Variants in SLCO2A1 observed in about 807,000 individuals in gnomAD.
SLCO2A1 encodes matrin F/G 1.
In SLCO2A1, 60 loss-of-function variants were observed where a neutral mutation model predicts 71.7. The ratio of observed to expected loss-of-function variants is 0.84; its 90% CI spans 0.68 to 1.04. The LOEUF is 1.04. SLCO2A1 is among the 50% of genes least tolerant of loss of function. The probability of loss-of-function intolerance (pLI) is 0.00; values close to 1 mark genes in which losing one functional copy is unlikely to be tolerated. For missense variants in SLCO2A1, 745 were observed against 813.4 expected, an observed-to-expected ratio of 0.92 and a Z score of 1.02; for synonymous variants, 308 against 326.7, an observed-to-expected ratio of 0.94 and a Z score of 0.62.
At chr3:133,985,063 C>A (rs965119394) in intron 1 of SLCO2A1, among the ~76,000 whole-genome samples, 1 of 152,218 alleles carries the variant, frequency 6.6e-6, no homozygotes, top group African/African-American at 2.4e-5. Context: ...CCACTCCCTC[C>A]TCTTGCCCTC....
chr3:133,945,168 C>T lies in SLCO2A1; in HGVS notation c.1388G>A (p.Gly463Glu), dbSNP rs758908251. ...SIFHPVCGDNGIEYLSPCHAG... is the reference protein window; with the variant it reads ...SIFHPVCGDNEIEYLSPCHAG... The stretch of plus-strand genomic sequence containing the variant: ...ATGGCAAGGGGAGAGGTACTCGATT[C>T]CATTGTCTCCACAGACCGGGTGGAA... Residue 463 changes from glycine to glutamate, a missense_variant, in exon 10 of 14, where the codon GGA (glycine) becomes GAA (glutamate). Gly to Glu is a moderately conservative substitution (Grantham distance 98). Transcript: ENST00000310926. The T allele has an allele frequency of 1.2e-6, 2 of 1,614,124 alleles. No individual in the cohort carries two copies.
intron 11 of SLCO2A1, 25 bp downstream of exon 11, chr3:133,942,578 CCA>C (rs1254306650): frequency 1.3e-6 from 2 of 1,584,742 alleles, no homozygotes; most frequent in Non-Finnish European, 1.7e-6. Context: ...AAGCCACGCC[CCA>C]GACTCACAGA....
chr3:133,988,077 G>A (rs1165024791), intron 1 of SLCO2A1, among the ~76,000 whole-genome samples: 2 of 152,172 alleles, frequency 1.3e-5, no homozygotes, highest in African/African-American at 2.4e-5. Context: ...GCATCTGAAT[G>A]GACTTCCTCC....
chr3:133,935,051 C>T (rs1034239182), intron 13 of SLCO2A1, among the ~76,000 whole-genome samples: 1 of 152,132 alleles, frequency 6.6e-6, no homozygotes, highest in Non-Finnish European at 1.5e-5. Context: ...ATCCAGGGCT[C>T]ATCATCCCTC....
chr3:134,009,042 G>A (rs1411696115), intron 1 of SLCO2A1, among the ~76,000 whole-genome samples: 4 of 152,128 alleles, frequency 2.6e-5, no homozygotes, highest in East Asian at 3.9e-4. Flanking sequence ...CACTTCCATC[G>A]TACATCACAT....
At position 133,935,761 on chromosome 3, in the gene SLCO2A1, G is replaced by A. The variant is rs1343962684; in HGVS notation, c.1814+13C>T. 28 of 1,583,638 alleles carry A rather than the reference G, an allele frequency of 1.8e-5. No individual in the cohort carries two copies. Among genetic ancestry groups the A allele is most frequent in the Non-Finnish European group, 1.6e-5 (19 of 1,162,292 alleles). On this transcript the variant is annotated intron_variant, in intron 13 of 13. Transcript: ENST00000310926. ...GCCTGGCTCTGGGACACACATACAT[G>A]ATGGGCCCTCACCTGTCTCGGAGAG... is the stretch of plus-strand genomic sequence containing the variant.
chr3:134,019,837 A>G (rs1197417144), intron 1 of SLCO2A1, among the ~76,000 whole-genome samples: 1 of 152,162 alleles, frequency 6.6e-6, no homozygotes, highest in Non-Finnish European at 1.5e-5. Flanking sequence ...ACCTAGACAA[A>G]TGACAGACCC....
At chr3:133,938,534 G>C in intron 11 of SLCO2A1, 41 bp from the exon 12 acceptor site, 1 of 1,591,946 alleles carries the variant, frequency 6.3e-7, no homozygotes, top group Admixed American at 1.7e-5. Flanking sequence ...GAGGATTCAG[G>C]GCTGCACGAT....
intron 3 of SLCO2A1, among the ~76,000 whole-genome samples, chr3:133,966,128 G>T (rs1039340909): frequency 2.6e-5 from 4 of 152,188 alleles, no homozygotes; most frequent in Non-Finnish European, 5.9e-5. Context: ...CAACCCGTGG[G>T]CTGCGTTCAG....
In SLCO2A1 at chr3:133,933,981, G is replaced by A. The variant is rs953744849; in HGVS notation, c.*732C>T. On this transcript the variant is annotated 3_prime_UTR_variant, in exon 14 of 14. Coordinates refer to ENST00000310926, the MANE Select transcript of SLCO2A1 (RefSeq NM_005630.3). The stretch of plus-strand genomic sequence containing the variant: ...CCAGAAAGACAGGGATAACATGTGA[G>A]GATCTAAGGACAGAAAGTCCAGGGT... 3.3e-5 allele frequency: 5 copies of A among 152,224 alleles called. No homozygotes were observed. The highest frequency in any genetic ancestry group is 9.7e-5 in the African/African-American group (4 of 41,450). 9.4% of individuals were successfully genotyped at this position (152,224 alleles called of 1,614,324 possible).
At position 133,987,621 on chromosome 3, in the gene SLCO2A1, C is replaced by A. The variant is rs745869340; in HGVS notation, c.97-8003G>T. On this transcript the variant is annotated intron_variant, in intron 1 of 13. Transcript: ENST00000310926. ...AAAATGTACAAAACCAAGCTGCGCC[C>A]TGACCACCTTGGGAACATGTTCTCA... 1.1e-4 allele frequency among the ~76,000 whole-genome samples: 17 copies of A among 152,326 alleles called. No homozygotes were observed. In the South Asian group the frequency reaches 1.9e-3, roughly 17 times the overall value.
At chr3:133,948,479 T>C in intron 8 of SLCO2A1, 57 bp downstream of exon 8, 7 of 1,560,734 alleles carry the variant, frequency 4.5e-6, no homozygotes, top group Non-Finnish European at 6.1e-6. Flanking sequence ...GTGGCTGGAG[T>C]GCCTGCCTCC....
At chr3:133,988,160 G>T (rs1934757828) in intron 1 of SLCO2A1, among the ~76,000 whole-genome samples, 1 of 152,120 alleles carries the variant, frequency 6.6e-6, no homozygotes, top group South Asian at 2.1e-4. Flanking sequence ...GTATAATAAG[G>T]TGACATGCCT....
chr3:133,972,012 C>T (rs1277660052), intron 3 of SLCO2A1, among the ~76,000 whole-genome samples: 1 of 152,022 alleles, frequency 6.6e-6, no homozygotes, highest in Non-Finnish European at 1.5e-5. Flanking sequence ...CCACCATGAA[C>T]AAGAGCAAGC....
At chr3:133,958,372 CAG>C (rs1196067920) in intron 3 of SLCO2A1, among the ~76,000 whole-genome samples, 1 of 152,186 alleles carries the variant, frequency 6.6e-6, no homozygotes, top group Non-Finnish European at 1.5e-5. Flanking sequence ...ATCTGGTGGG[CAG>C]AGTGTTAGGC....
At chr3:133,982,129 T>C (rs1934608327) in intron 1 of SLCO2A1, among the ~76,000 whole-genome samples, 2 of 152,132 alleles carry the variant, frequency 1.3e-5, no homozygotes, top group Admixed American at 1.3e-4. Flanking sequence ...GTGACAGTGA[T>C]GGGGATGGGA....
At chr3:133,970,565 C>T (rs1934299488) in intron 3 of SLCO2A1, among the ~76,000 whole-genome samples, 2 of 152,346 alleles carry the variant, frequency 1.3e-5, no homozygotes, top group African/African-American at 4.8e-5. Context: ...TAGCATAGCA[C>T]ACTCACGTGG....
At chr3:134,024,623 G>A (rs544157369) in intron 1 of SLCO2A1, among the ~76,000 whole-genome samples, 1 of 152,262 alleles carries the variant, frequency 6.6e-6, no homozygotes, top group African/African-American at 2.4e-5. Flanking sequence ...AACTAGACGG[G>A]GTTTCCAAAG....
intron 1 of SLCO2A1, among the ~76,000 whole-genome samples, chr3:133,993,267 C>T (rs927500652): frequency 6.6e-6 from 1 of 152,234 alleles, no homozygotes; most frequent in Non-Finnish European, 1.5e-5. Flanking sequence ...CTCCAGTTCC[C>T]GCCCGTGAAG....
Sources: allele counts gnomAD v4.1 joint callset (sites outside exome capture counted in the v4.1 genomes callset), GRCh38; gene constraint gnomAD v4.1.1; transcripts MANE v1.5; gene names NCBI Gene and HGNC (gene_info 2026-07-23, HGNC 2026-07-21).